Variants in DCAF6 observed in about 807,000 individuals in gnomAD.
DCAF6 encodes the protein DDB1 and CUL4 associated factor 6.
A neutral mutation model predicts 125.1 loss-of-function variants in DCAF6; 54 were observed. The observed-to-expected ratio is 0.43, with a 90% CI of 0.35 to 0.54. The LOEUF is 0.54. DCAF6 is among the 20% of genes least tolerant of loss of function. The pLI is 0.01. For synonymous variants in DCAF6, 371 were observed against 390.4 expected (o/e 0.95, Z 0.58); for missense variants, 934 against 1,161.7 (o/e 0.80, Z 2.85).
chr1:167,916,373 A>C, the DCAF6 span, among the ~76,000 whole-genome samples: 1 of 151,950 alleles, frequency 6.6e-6, no homozygotes, highest in East Asian at 1.9e-4. Context: ...CACCCAGCTA[A>C]TTTTTGTATT....
chr1:167,942,856 C>T (rs747094628), intron 1 of DCAF6, among the ~76,000 whole-genome samples: 19 of 152,140 alleles, frequency 1.2e-4, no homozygotes, highest in Non-Finnish European at 2.6e-4. Context: ...TTCCATTGAT[C>T]TAGCTTCATG....
chr1:168,004,067 G>A, intron 9 of DCAF6, 78 bp downstream of exon 9: 5 of 1,503,280 alleles, frequency 3.3e-6, no homozygotes, highest in Non-Finnish European at 4.5e-6. Context: ...TTTCTATCAT[G>A]TAAATTATAC....
chr1:168,051,415 A>G (rs140737781), intron 17 of DCAF6, among the ~76,000 whole-genome samples: 2,838 of 152,324 alleles, frequency 0.019, 79 homozygotes, highest in African/African-American at 0.065. Context: ...TAAATAGTTT[A>G]GAAATAGTGT....
intron 5 of DCAF6, among the ~76,000 whole-genome samples, chr1:167,989,592 TTAC>T (rs1227652727): frequency 6.6e-6 from 1 of 152,040 alleles, no homozygotes; most frequent in Non-Finnish European, 1.5e-5. Flanking sequence ...CTTAAAAACA[TTAC>T]TGAGGGGCCG....
chr1:167,970,019 C>T (rs1255231317), intron 3 of DCAF6, among the ~76,000 whole-genome samples: 2 of 152,174 alleles, frequency 1.3e-5, no homozygotes, highest in African/African-American at 4.8e-5. Flanking sequence ...TCAAATGATC[C>T]ACCTGTCTCC....
intron 20 of DCAF6, among the ~76,000 whole-genome samples, chr1:168,066,895 T>C (rs1405915863): frequency 6.6e-6 from 1 of 152,214 alleles, no homozygotes; most frequent in Non-Finnish European, 1.5e-5. Flanking sequence ...AACTTTGTTT[T>C]TCAGGATTAG....
intron 18 of DCAF6, 25 bp from the exon 19 acceptor site, chr1:168,065,565 T>C: frequency 6.8e-7 from 1 of 1,474,954 alleles, no homozygotes; most frequent in African/African-American, 1.4e-5. Context: ...ATTTGAATTT[T>C]TAAATAATTT....
At chr1:167,869,419 G>A in the DCAF6 span, among the ~76,000 whole-genome samples, 7 of 152,248 alleles carry the variant, frequency 4.6e-5, no homozygotes, top group Admixed American at 3.3e-4. Flanking sequence ...AGTCTCAAAC[G>A]GGGGAAATGA....
intron 1 of DCAF6, chr1:167,937,271 GT>G: frequency 3.8e-6 from 2 of 520,570 alleles, no homozygotes; most frequent in South Asian, 4.6e-5. Flanking sequence ...TTGTAAAGGT[GT>G]TGGGGTCGCT....
the DCAF6 span, among the ~76,000 whole-genome samples, chr1:167,925,442 C>CGTATATATATATCTAT: frequency 1.2e-5 from 1 of 82,478 alleles, no homozygotes; most frequent in African/African-American, 5.1e-5. Flanking sequence ...TACATATACA[C>CGTATATATATATCTAT]ATATATATAT....
At chr1:167,894,217 T>C in the DCAF6 span, among the ~76,000 whole-genome samples, 1 of 152,224 alleles carries the variant, frequency 6.6e-6, no homozygotes, top group Admixed American at 6.5e-5. Context: ...TTTTCACTTC[T>C]GAACTTGGTT....
At chr1:167,880,485 A>C in the DCAF6 span, 69 of 1,603,652 alleles carry the variant, frequency 4.3e-5, no homozygotes, top group Non-Finnish European at 5.7e-5. Flanking sequence ...CAGGGTCAAT[A>C]CTCACTGGAT....
chr1:167,906,018 GT>G, the DCAF6 span, among the ~76,000 whole-genome samples: 1 of 152,050 alleles, frequency 6.6e-6, no homozygotes, highest in African/African-American at 2.4e-5. Flanking sequence ...AAGAGGATTT[GT>G]TTTTTTAAGA....
At chr1:168,033,004 C>T (rs1687297496) in intron 12 of DCAF6, among the ~76,000 whole-genome samples, 1 of 150,600 alleles carries the variant, frequency 6.6e-6, no homozygotes, top group Admixed American at 6.6e-5. Flanking sequence ...ATATAAAATA[C>T]TCAGCATTTT....
the DCAF6 span, among the ~76,000 whole-genome samples, chr1:167,868,611 A>G: frequency 7.2e-6 from 1 of 139,606 alleles, no homozygotes; most frequent in Non-Finnish European, 1.5e-5. Context: ...ACCTACGCTA[A>G]GCTGCCTGAC....
chr1:168,002,805 G>T (rs1682824792), intron 8 of DCAF6, among the ~76,000 whole-genome samples: 1 of 152,098 alleles, frequency 6.6e-6, no homozygotes, highest in Non-Finnish European at 1.5e-5. Context: ...CAAAAAAGAT[G>T]TGCTAATTTA....
chr1:168,049,073 G>A (rs979760385), intron 16 of DCAF6, among the ~76,000 whole-genome samples: 1 of 151,950 alleles, frequency 6.6e-6, no homozygotes, highest in Admixed American at 6.6e-5. Flanking sequence ...ACAGTAAATG[G>A]GAAATAAATT....
At chr1:168,038,688 G>T (rs1192999469) in intron 13 of DCAF6, among the ~76,000 whole-genome samples, 200 bp downstream of exon 13, 8 of 151,558 alleles carry the variant, frequency 5.3e-5, no homozygotes, top group Admixed American at 3.9e-4. Context: ...GGTTTGGAGT[G>T]GGGGTCTGAG....
chr1:168,013,719 C>G (rs1167905749), intron 10 of DCAF6, among the ~76,000 whole-genome samples: 1 of 151,984 alleles, frequency 6.6e-6, no homozygotes, highest in Non-Finnish European at 1.5e-5. Context: ...TATTAGCTCC[C>G]AAACTAAAAC....
Sources: gnomAD v4.1 joint callset for allele counts (sites outside exome capture counted in the v4.1 genomes callset) on GRCh38, gnomAD v4.1.1 for gene constraint, MANE v1.5 for transcripts, NCBI Gene and HGNC (gene_info 2026-07-23, HGNC 2026-07-21) for gene names.